PDIA6: variants seen among roughly 807,000 people sequenced by gnomAD.
PDIA6 encodes the protein protein disulfide-isomerase A6.
In PDIA6, 29 loss-of-function variants were observed where a neutral mutation model predicts 58.4. The observed-to-expected ratio is 0.50, with a 90% CI of 0.37 to 0.68. The LOEUF (loss-of-function observed/expected upper bound fraction) is 0.68. Among genes scored for constraint, PDIA6 ranks in the 30% least tolerant of loss-of-function variants. The pLI, the probability that PDIA6 is intolerant of heterozygous loss-of-function variation, is 0.00. For missense variants in PDIA6, 480 were observed against 551.0 expected, an observed-to-expected ratio of 0.87 and a Z score of 1.29; for synonymous variants, 192 against 202.6, an observed-to-expected ratio of 0.95 and a Z score of 0.44.
At chr2:10,824,634 C>T (rs926401401) in intron 1 of PDIA6, among the ~76,000 whole-genome samples, 19 of 152,170 alleles carry the variant, frequency 1.2e-4, no homozygotes, top group African/African-American at 4.3e-4. Context: ...CCCTGTTGTC[C>T]CTGGAAACTA....
intron 2 of PDIA6, among the ~76,000 whole-genome samples, chr2:10,799,154 AC>A (rs2148548778): frequency 6.6e-6 from 1 of 152,206 alleles, no homozygotes; most frequent in African/African-American, 2.4e-5. Context: ...ATGTGCGTAA[AC>A]CTATTAGCCC....
At chr2:10,829,102 G>A (rs1167589348) in intron 1 of PDIA6, among the ~76,000 whole-genome samples, 1 of 152,186 alleles carries the variant, frequency 6.6e-6, no homozygotes, top group East Asian at 1.9e-4. Context: ...CATTCCCCAA[G>A]AGAGAATCTG....
At chr2:10,833,433 C>G (rs975927331), upstream of PDIA6, among the ~76,000 whole-genome samples, 1 of 152,210 alleles carries the variant, frequency 6.6e-6, no homozygotes, top group Non-Finnish European at 1.5e-5. Flanking sequence ...GTCCCCACCC[C>G]CTCTGGGGGT....
upstream of PDIA6, among the ~76,000 whole-genome samples, chr2:10,836,789 G>A (rs1423563625): frequency 6.6e-6 from 1 of 151,692 alleles, no homozygotes; most frequent in East Asian, 1.9e-4. Context: ...GTGTTCTATG[G>A]GGATTAAAAA....
chr2:10,812,593 C>T, intron 1 of PDIA6, 85 bp downstream of exon 1: 2 of 1,342,708 alleles, frequency 1.5e-6, no homozygotes, highest in Non-Finnish European at 2.0e-6. Flanking sequence ...CCTGCGGCCG[C>T]GGCCCGCCGG....
upstream of PDIA6, among the ~76,000 whole-genome samples, chr2:10,834,721 C>CCCTCCCTCCCGT (rs1303608003): frequency 2.2e-5 from 1 of 45,474 alleles, no homozygotes; most frequent in Non-Finnish European, 4.6e-5. Context: ...CTCCCTCCCT[C>CCCTCCCTCCCGT]CCTTCCTTCC....
upstream of PDIA6, chr2:10,812,859 T>C: frequency 8.6e-7 from 1 of 1,161,704 alleles, no homozygotes; most frequent in Admixed American, 4.7e-5. Context: ...AAGCCGTGGC[T>C]GCGGCTCATT....
chr2:10,810,114 T>C, intron 1 of PDIA6: 2 of 627,724 alleles, frequency 3.2e-6, no homozygotes, highest in South Asian at 1.9e-5. Flanking sequence ...AACACTTGCG[T>C]GACTCTGTAT....
chr2:10,831,755 T>C (rs970096785), intron 1 of PDIA6, among the ~76,000 whole-genome samples: 1 of 152,054 alleles, frequency 6.6e-6, no homozygotes, highest in South Asian at 2.1e-4. Flanking sequence ...CCTGACAGGA[T>C]GCAGTTTCCA....
chr2:10,802,728 CCAGGGCCCTTCACA>C, intron 1 of PDIA6, 88 bp from the exon 2 acceptor site: 5 of 1,066,268 alleles, frequency 4.7e-6, no homozygotes, highest in Non-Finnish European at 6.3e-6. Flanking sequence ...CTTTAACTGA[CCAGGGCCCTTCACA>C]CAGGAGGACG....
intron 4 of PDIA6, among the ~76,000 whole-genome samples, chr2:10,795,037 TAA>T (rs1666209564): frequency 1.3e-5 from 2 of 152,226 alleles, no homozygotes; most frequent in Admixed American, 1.3e-4. Context: ...TGTCACTTGA[TAA>T]CACAGAAGGG....
intron 3 of PDIA6, 58 bp downstream of exon 3, chr2:10,797,641 CT>C (rs1158929863): frequency 2.5e-6 from 3 of 1,190,722 alleles, no homozygotes; most frequent in Middle Eastern, 2.3e-4. Context: ...ATATGGACAT[CT>C]TAGAAACTTA....
At position 10,783,892 on chromosome 2, in the gene PDIA6, G is replaced by GA. The variant is rs1429682558; in HGVS notation, c.*365dup. 1.8e-5 allele frequency: 3 copies of GA among 166,608 alleles called. No individual in the cohort carries two copies. Among genetic ancestry groups the GA allele is most frequent in the Admixed American group, 6.1e-5 (1 of 16,298 alleles). The allele number at this position is 166,608 out of a possible 1,614,324, so 10.3% of individuals were successfully genotyped here. Reference sequence around the variant, plus strand: ...GTCCAAAATATTTTATTCTTTAATGGAAAAAGCCATTAATATTCAAATGAA... The same window carrying GA: ...GTCCAAAATATTTTATTCTTTAATGGAAAAAAGCCATTAATATTCAAATGAA... On this transcript the variant is annotated 3_prime_UTR_variant, in exon 13 of 13. Transcript: ENST00000272227.
chr2:10,836,328 T>C (rs1043905020), upstream of PDIA6, among the ~76,000 whole-genome samples: 13 of 152,192 alleles, frequency 8.5e-5, no homozygotes, highest in Admixed American at 4.6e-4. Context: ...TTGTCTAGGA[T>C]GGGTCTGGGG....
chr2:10,818,122 A>G (rs1242668536), intron 2 of PDIA6, among the ~76,000 whole-genome samples: 2 of 152,042 alleles, frequency 1.3e-5, no homozygotes, highest in Non-Finnish European at 2.9e-5. Flanking sequence ...TTTTAAAAAT[A>G]CTGATAAAAC....
chr2:10,783,647 T>G lies in PDIA6; in HGVS notation c.*611A>C, dbSNP rs979362193. 1 of 167,526 alleles carries G rather than the reference T, an allele frequency of 6.0e-6. No individual in the cohort carries two copies. The highest frequency in any genetic ancestry group is 1.3e-5 in the Non-Finnish European group (1 of 78,264). 10.4% of individuals were successfully genotyped at this position (167,526 alleles called of 1,614,324 possible). On this transcript the variant is annotated 3_prime_UTR_variant, in exon 13 of 13. Transcript: ENST00000272227. Reference sequence around the variant, plus strand: ...ACTAGAGACAGCCCAAAGACAAATATTGGGCAGGAAATCAGTTCTCACTGA... The same window carrying G: ...ACTAGAGACAGCCCAAAGACAAATAGTGGGCAGGAAATCAGTTCTCACTGA...
In PDIA6 at chr2:10,793,082, T is replaced by G; in HGVS notation, c.453+14A>C. The G allele has an allele frequency of 6.4e-7, 1 of 1,561,804 alleles. No homozygotes were observed. Among genetic ancestry groups the G allele is most frequent in the Non-Finnish European group, 8.8e-7 (1 of 1,132,264 alleles). On this transcript the variant is annotated intron_variant, in intron 5 of 12. Coordinates refer to ENST00000272227, the MANE Select transcript of PDIA6 (RefSeq NM_005742.4). ...AATTATGACACATTAAAAACTGACA[T>G]TTTATGGTCTTACTTGTTTTCCAGA...
intron 1 of PDIA6, among the ~76,000 whole-genome samples, chr2:10,808,392 T>G (rs1031380884): frequency 2.0e-5 from 3 of 152,202 alleles, no homozygotes; most frequent in Non-Finnish European, 4.4e-5. Context: ...GCATGCAGTC[T>G]GCAGAAGGTT....
At chr2:10,791,745 T>A in intron 6 of PDIA6, 50 bp downstream of exon 6, 2 of 1,545,536 alleles carry the variant, frequency 1.3e-6, no homozygotes, top group South Asian at 1.2e-5. Flanking sequence ...AGCTAATGAA[T>A]GTACTGAAAA....
Sources: gnomAD v4.1 joint callset for allele counts (sites outside exome capture counted in the v4.1 genomes callset) on GRCh38, gnomAD v4.1.1 for gene constraint, MANE v1.5 for transcripts, NCBI Gene and HGNC (gene_info 2026-07-23, HGNC 2026-07-21) for gene names.